COL24A1: variants seen among roughly 807,000 people sequenced by gnomAD.
COL24A1 encodes collagen alpha-1(XXIV) chain.
In COL24A1, 224 loss-of-function variants were observed where a neutral mutation model predicts 253.9. The ratio of observed to expected loss-of-function variants is 0.88; its 90% CI spans 0.79 to 0.99. The LOEUF is 0.99. Among genes scored for constraint, COL24A1 ranks in the 50% least tolerant of loss-of-function variants. The pLI, the probability that COL24A1 is intolerant of heterozygous loss-of-function variation, is 0.00. For synonymous variants in COL24A1, 685 were observed against 673.7 expected (o/e 1.02, Z -0.26); for missense variants, 2,131 against 2,068.5 (o/e 1.03, Z -0.59).
At chr1:85,767,513 A>G (rs1327612711) in intron 53 of COL24A1, among the ~76,000 whole-genome samples, 1 of 152,236 alleles carries the variant, frequency 6.6e-6, no homozygotes, top group Non-Finnish European at 1.5e-5. Context: ...TTAAAAGATT[A>G]ACTTTATAAA....
chr1:86,118,557 C>T (rs760456589), intron 3 of COL24A1, among the ~76,000 whole-genome samples: 9 of 152,130 alleles, frequency 5.9e-5, no homozygotes, highest in Non-Finnish European at 8.8e-5. Context: ...TTCATTCACT[C>T]ACTCAATAAA....
At chr1:85,849,459 G>GATACTTCTCATAAAA in intron 37 of COL24A1, 53 bp from the exon 38 acceptor site, 1 of 1,345,384 alleles carries the variant, frequency 7.4e-7, no homozygotes, top group Non-Finnish European at 1.1e-6. Context: ...AAGATGAGAT[G>GATACTTCTCATAAAA]GAGTATTTGA....
chr1:85,788,581 T>C (rs1669944109), intron 47 of COL24A1, among the ~76,000 whole-genome samples: 1 of 152,242 alleles, frequency 6.6e-6, no homozygotes, highest in Non-Finnish European at 1.5e-5. Context: ...AGATCCCATT[T>C]GTCAATTTTT....
intron 37 of COL24A1, among the ~76,000 whole-genome samples, chr1:85,856,561 G>T (rs1378800397): frequency 6.6e-6 from 1 of 151,996 alleles, no homozygotes; most frequent in Admixed American, 6.6e-5. Flanking sequence ...CTCCATCACT[G>T]ACTTTCTGAT....
chr1:86,043,619 T>C (rs1048881925), intron 12 of COL24A1, among the ~76,000 whole-genome samples: 7 of 152,032 alleles, frequency 4.6e-5, no homozygotes, highest in Non-Finnish European at 7.4e-5. Flanking sequence ...CCTCCGCCTC[T>C]TGGATTCAAG....
intron 12 of COL24A1, among the ~76,000 whole-genome samples, chr1:86,043,709 G>A (rs1395875839): frequency 1.3e-5 from 2 of 151,992 alleles, no homozygotes; most frequent in Admixed American, 1.3e-4. Context: ...TGTATTTTTA[G>A]TAGAGACAGG....
At chr1:85,831,511 A>T (rs998064236) in intron 43 of COL24A1, among the ~76,000 whole-genome samples, 1 of 152,070 alleles carries the variant, frequency 6.6e-6, no homozygotes, top group African/African-American at 2.4e-5. Flanking sequence ...TTGGTTTATC[A>T]CTCTAAAAAT....
chr1:86,019,301 A>G (rs1697272529), intron 18 of COL24A1, among the ~76,000 whole-genome samples: 1 of 152,112 alleles, frequency 6.6e-6, no homozygotes, highest in African/African-American at 2.4e-5. Flanking sequence ...TCACACCTAT[A>G]ATCCCACATT....
Position 86,139,463 on chromosome 1 carries a change from A to G in COL24A1, c.121+6656T>C, listed in dbSNP as rs951495972. ...AATATTCAGCGATAGTCTATCACAA[A>G]TTGGAAGAAGAAGAATTGTACTATT... On this transcript the variant is annotated intron_variant, in intron 2 of 59. Coordinates refer to ENST00000370571, the MANE Select transcript of COL24A1 (RefSeq NM_152890.7). 1.2e-4 allele frequency among the ~76,000 whole-genome samples: 19 copies of G among 152,324 alleles called. 2 individuals carry two copies. Among genetic ancestry groups the G allele is most frequent in the Admixed American group, 5.2e-4 (8 of 15,300 alleles).
intron 38 of COL24A1, 118 bp from the exon 39 acceptor site, chr1:85,847,890 A>T (rs1383468562): frequency 7.5e-6 from 4 of 533,190 alleles, no homozygotes; most frequent in Non-Finnish European, 1.3e-5. Flanking sequence ...ATTACAGATC[A>T]CTATTAACAA....
At chr1:86,027,747 T>G (rs111401973) in intron 14 of COL24A1, among the ~76,000 whole-genome samples, 8,986 of 152,190 alleles carry the variant, frequency 0.059, 589 homozygotes, top group African/African-American at 0.16. Flanking sequence ...TTAGTGGAGC[T>G]GTGAGAAGAG....
chr1:85,967,360 A>G (rs1327325069), intron 22 of COL24A1, among the ~76,000 whole-genome samples: 1 of 152,232 alleles, frequency 6.6e-6, no homozygotes, highest in African/African-American at 2.4e-5. Context: ...ATGTAATCAA[A>G]GGAATAATTA....
chr1:86,017,137 C>T lies in COL24A1; in HGVS notation c.2310+14G>A, dbSNP rs760194390. ...TTTTGTTTCAAATTTATTAACTTTC[C>T]ACCAATATTTTACCTCTGGTCCTGG... On this transcript the variant is annotated intron_variant, in intron 19 of 59. Coordinates refer to ENST00000370571, the MANE Select transcript of COL24A1 (RefSeq NM_152890.7). 1 of 1,592,290 alleles carries T rather than the reference C, an allele frequency of 6.3e-7. No individual in the cohort carries two copies. The highest frequency in any genetic ancestry group is 1.8e-5 in the Admixed American group (1 of 56,652).
intron 24 of COL24A1, among the ~76,000 whole-genome samples, chr1:85,953,228 C>T (rs772779506): frequency 1.3e-5 from 2 of 152,158 alleles, no homozygotes. Flanking sequence ...CCCTTGACAG[C>T]CTCTTCCAAC....
chr1:85,965,478 G>A (rs1483947111), intron 22 of COL24A1, among the ~76,000 whole-genome samples: 2 of 152,072 alleles, frequency 1.3e-5, no homozygotes, highest in Non-Finnish European at 2.9e-5. Flanking sequence ...AGCCCTCACC[G>A]AAAAGTTCTT....
chr1:86,099,684 G>T (rs6672107), intron 5 of COL24A1, among the ~76,000 whole-genome samples: 47,443 of 151,888 alleles, frequency 0.31, 8,227 homozygotes, highest in Non-Finnish European at 0.38. Context: ...TATCTAGATT[G>T]TGACCACTTC....
intron 59 of COL24A1, 107 bp downstream of exon 59, chr1:85,734,642 G>T: frequency 1.0e-6 from 1 of 960,512 alleles, no homozygotes; most frequent in Non-Finnish European, 1.6e-6. Context: ...CTACCCTTCT[G>T]TATCTGCAGT....
chr1:85,887,250 A>AT (rs1223913648), intron 32 of COL24A1, among the ~76,000 whole-genome samples: 2 of 151,928 alleles, frequency 1.3e-5, no homozygotes, highest in Non-Finnish European at 2.9e-5. Flanking sequence ...AGGTCAGGAG[A>AT]TTTTTTTTCA....
At chr1:86,004,326 G>A (rs1695723312) in intron 19 of COL24A1, among the ~76,000 whole-genome samples, 1 of 152,062 alleles carries the variant, frequency 6.6e-6, no homozygotes, top group Non-Finnish European at 1.5e-5. Context: ...CAGAATGCCT[G>A]ATCCACAGAC....
Sources: allele counts gnomAD v4.1 joint callset (sites outside exome capture counted in the v4.1 genomes callset), GRCh38; gene constraint gnomAD v4.1.1; transcripts MANE v1.5; gene names NCBI Gene and HGNC (gene_info 2026-07-23, HGNC 2026-07-21).